AFG1L: variants seen among roughly 807,000 people sequenced by gnomAD.
AFG1L encodes AFG1-like ATPase.
AFG1L carries 53 observed loss-of-function variants against 62.2 expected under a neutral mutation model. That is an observed-to-expected ratio of 0.85 (90% CI 0.68 to 1.07). The LOEUF is 1.07. Among genes scored for constraint, AFG1L ranks in the 50% least tolerant of loss-of-function variants. AFG1L has a pLI of 0.00. For missense variants in AFG1L, 555 were observed against 590.5 expected (o/e 0.94, Z 0.62); for synonymous variants, 228 against 210.3 (o/e 1.08, Z -0.73).
At chr6:108,440,635 A>G (rs1240490237) in intron 7 of AFG1L, among the ~76,000 whole-genome samples, 1 of 150,174 alleles carries the variant, frequency 6.7e-6, no homozygotes. Flanking sequence ...CCTGGCCAAC[A>G]TGGTGAAACC....
At chr6:108,390,285 GT>G (rs1472626983) in intron 6 of AFG1L, among the ~76,000 whole-genome samples, 1 of 152,094 alleles carries the variant, frequency 6.6e-6, no homozygotes, top group African/African-American at 2.4e-5. Flanking sequence ...TTTTTTCAAG[GT>G]TTTTAGCTTC....
chr6:108,394,293 A>G (rs1415974394), intron 6 of AFG1L, among the ~76,000 whole-genome samples: 2 of 151,764 alleles, frequency 1.3e-5, no homozygotes, highest in African/African-American at 4.8e-5. Flanking sequence ...GATTACAGGC[A>G]TGTGCTACTA....
At chr6:108,480,841 A>G (rs1773298464) in intron 10 of AFG1L, among the ~76,000 whole-genome samples, 1 of 152,220 alleles carries the variant, frequency 6.6e-6, no homozygotes, top group African/African-American at 2.4e-5. Context: ...AAGTGTAATC[A>G]GATAATTTGT....
At chr6:108,376,437 A>G (rs764469088) in intron 6 of AFG1L, among the ~76,000 whole-genome samples, 16 of 151,706 alleles carry the variant, frequency 1.1e-4, no homozygotes, top group African/African-American at 2.9e-4. Flanking sequence ...GGCTTTTGCT[A>G]TATCGCAGAG....
At chr6:108,419,931 A>G (rs1181879400) in intron 7 of AFG1L, among the ~76,000 whole-genome samples, 3 of 152,192 alleles carry the variant, frequency 2.0e-5, no homozygotes, top group Admixed American at 6.6e-5. Flanking sequence ...TTGTCCAGCC[A>G]TCTGCATTAG....
intron 6 of AFG1L, among the ~76,000 whole-genome samples, chr6:108,373,215 G>A (rs1435407102): frequency 7.9e-5 from 12 of 151,788 alleles, no homozygotes; most frequent in Non-Finnish European, 1.3e-4. Context: ...GTAGTCCCCC[G>A]TGTCTATCAT....
chr6:108,328,488 G>A (rs1160445936), intron 2 of AFG1L, among the ~76,000 whole-genome samples: 5 of 152,152 alleles, frequency 3.3e-5, no homozygotes, highest in South Asian at 2.1e-4. Context: ...TCGACCTCCC[G>A]GGCTCCAGCA....
intron 10 of AFG1L, among the ~76,000 whole-genome samples, chr6:108,496,447 G>A (rs1773979052): frequency 1.3e-5 from 2 of 152,288 alleles, no homozygotes; most frequent in Admixed American, 1.3e-4. Context: ...AGAACTCCCT[G>A]TCTTGTACAA....
intron 2 of AFG1L, among the ~76,000 whole-genome samples, chr6:108,340,946 G>A (rs1778657878): frequency 1.3e-5 from 2 of 152,244 alleles, no homozygotes; most frequent in African/African-American, 2.4e-5. Flanking sequence ...TGAGTGAAAT[G>A]TAGTTTTGCT....
intron 8 of AFG1L, among the ~76,000 whole-genome samples, chr6:108,457,215 T>G (rs527269336): frequency 3.3e-4 from 51 of 152,292 alleles, no homozygotes; most frequent in Admixed American, 2.1e-3. Flanking sequence ...TTAATCCATG[T>G]TGTTTGCTTT....
chr6:108,350,039 T>C (rs1369985771), intron 3 of AFG1L, among the ~76,000 whole-genome samples: 1 of 151,766 alleles, frequency 6.6e-6, no homozygotes, highest in Admixed American at 6.6e-5. Flanking sequence ...CTGGCCAAAA[T>C]GGTGAAACCC....
chr6:108,317,281 C>T (rs1272686495), intron 1 of AFG1L, among the ~76,000 whole-genome samples: 2 of 152,164 alleles, frequency 1.3e-5, no homozygotes, highest in African/African-American at 4.8e-5. Flanking sequence ...AGTTATCCCT[C>T]AAATCAGTCT....
At chr6:108,453,741 G>A (rs80053007) in intron 8 of AFG1L, among the ~76,000 whole-genome samples, 1 of 152,170 alleles carries the variant, frequency 6.6e-6, no homozygotes, top group Non-Finnish European at 1.5e-5. Flanking sequence ...CCCAGCTTCT[G>A]CCTCTAAGGT....
intron 11 of AFG1L, among the ~76,000 whole-genome samples, chr6:108,513,110 C>G (rs1403112984): frequency 2.6e-5 from 4 of 152,072 alleles, no homozygotes; most frequent in African/African-American, 7.2e-5. Flanking sequence ...TTTAAAACAT[C>G]AAGAAGAATA....
At chr6:108,461,401 AAAC>A (rs1324453920) in intron 8 of AFG1L, among the ~76,000 whole-genome samples, 2 of 152,212 alleles carry the variant, frequency 1.3e-5, no homozygotes, top group Admixed American at 6.5e-5. Context: ...AACAACTACA[AAAC>A]AACAACTTTT....
chr6:108,388,763 CT>C (rs1780895207), intron 6 of AFG1L, among the ~76,000 whole-genome samples: 1 of 151,444 alleles, frequency 6.6e-6, no homozygotes, highest in South Asian at 2.1e-4. Flanking sequence ...AATTTCTGTT[CT>C]TTTACATTTG....
At chr6:108,299,285 A>G (rs1776891271) in intron 1 of AFG1L, among the ~76,000 whole-genome samples, 2 of 151,894 alleles carry the variant, frequency 1.3e-5, no homozygotes, top group African/African-American at 4.8e-5. Flanking sequence ...AAAAAAATAA[A>G]TTAACATACT....
At chr6:108,304,547 T>C (rs1302555291) in intron 1 of AFG1L, among the ~76,000 whole-genome samples, 3 of 152,220 alleles carry the variant, frequency 2.0e-5, no homozygotes, top group Admixed American at 6.5e-5. Flanking sequence ...ACACAGTATT[T>C]AAATGGATGT....
chr6:108,332,846 A>G (rs1308132111), intron 2 of AFG1L, among the ~76,000 whole-genome samples: 1 of 152,148 alleles, frequency 6.6e-6, no homozygotes, highest in Non-Finnish European at 1.5e-5. Flanking sequence ...GCCTCAAGCA[A>G]TTCACCTGCC....
Sources: gnomAD v4.1 joint callset for allele counts (sites outside exome capture counted in the v4.1 genomes callset) on GRCh38, gnomAD v4.1.1 for gene constraint, MANE v1.5 for transcripts, NCBI Gene and HGNC (gene_info 2026-07-23, HGNC 2026-07-21) for gene names.